The following EXD1 variants were observed in gnomAD, a reference collection of about 807,000 sequenced individuals.
EXD1 encodes piRNA biogenesis protein EXD1.
EXD1 carries 63 observed loss-of-function variants against 49.1 expected under a neutral mutation model. The ratio of observed to expected loss-of-function variants is 1.28; its 90% CI spans 1.05 to 1.58. The LOEUF is 1.58. Ranked by LOEUF, EXD1 falls within the 40% of genes most tolerant of loss-of-function variation. The pLI is 0.00. For synonymous variants in EXD1, 234 were observed against 239.2 expected, an observed-to-expected ratio of 0.98 and a Z score of 0.20; for missense variants, 748 against 666.0, an observed-to-expected ratio of 1.12 and a Z score of -1.36.
intron 7 of EXD1, among the ~76,000 whole-genome samples, chr15:41,200,716 A>T (rs1019114361): frequency 2.0e-5 from 3 of 152,090 alleles, no homozygotes; most frequent in Non-Finnish European, 4.4e-5. Context: ...GTCTTGTGGG[A>T]CTGAGCCCTC....
intron 11 of EXD1, among the ~76,000 whole-genome samples, chr15:41,188,108 T>C (rs2046444756): frequency 6.6e-6 from 1 of 152,034 alleles, no homozygotes; most frequent in Non-Finnish European, 1.5e-5. Flanking sequence ...GGCAAACTTT[T>C]CCTGTAAAGA....
intron 1 of EXD1, among the ~76,000 whole-genome samples, chr15:41,227,890 A>C (rs149021866): frequency 2.2e-3 from 338 of 152,172 alleles, no homozygotes; most frequent in Middle Eastern, 6.8e-3. Flanking sequence ...TCTCTACTAA[A>C]AACACAAAAA....
chr15:41,215,160 T>G (rs1329111208), intron 6 of EXD1, among the ~76,000 whole-genome samples: 1 of 152,202 alleles, frequency 6.6e-6, no homozygotes, highest in Non-Finnish European at 1.5e-5. Flanking sequence ...AGGACCTCCT[T>G]GTCACTCTAG....
At chr15:41,223,279 T>G (rs2140906065) in intron 2 of EXD1, among the ~76,000 whole-genome samples, 1 of 150,984 alleles carries the variant, frequency 6.6e-6, no homozygotes. Flanking sequence ...AATTAGCTGG[T>G]CTTGGTGGCA....
chr15:41,188,212 T>C (rs2046446386), intron 11 of EXD1, among the ~76,000 whole-genome samples: 1 of 151,746 alleles, frequency 6.6e-6, no homozygotes, highest in South Asian at 2.1e-4. Context: ...AATGTAAAAA[T>C]TGTTCTTAGC....
chr15:41,227,867 T>C (rs1301443642), intron 1 of EXD1, among the ~76,000 whole-genome samples: 3 of 152,004 alleles, frequency 2.0e-5, no homozygotes, highest in Admixed American at 1.3e-4. Context: ...CTGACCAACA[T>C]GGTGAAACCC....
intron 7 of EXD1, among the ~76,000 whole-genome samples, chr15:41,207,241 A>G (rs981677819): frequency 2.0e-5 from 3 of 148,500 alleles, no homozygotes; most frequent in African/African-American, 7.5e-5. Flanking sequence ...ACTCCGTCTC[A>G]AAAAAAAGTA....
chr15:41,211,012 T>G (rs925407020), intron 6 of EXD1, among the ~76,000 whole-genome samples: 1 of 152,198 alleles, frequency 6.6e-6, no homozygotes, highest in African/African-American at 2.4e-5. Context: ...TCTCTACTGA[T>G]GAGAATTCCT....
rs192017534 is a variant in EXD1 at position 41,219,843 on chromosome 15, A to G, written c.189T>C (p.His63=). ...TGGGGGTCTCACCATTCACAATCTC[A>G]TGCCCAAAAAACAACTTCACTCCTG... ...SVPGVKLFFG[H]EIVNVELLDE... Residue 63 remains histidine, a synonymous_variant, in exon 3 of 12, where the codon CAT becomes CAC. Coordinates refer to ENST00000458580, the MANE Select transcript of EXD1 (RefSeq NM_001286441.2). 6.6e-7 allele frequency: 1 copy of G among 1,507,384 alleles called. No homozygotes were observed. The highest frequency in any genetic ancestry group is 1.4e-5 in the African/African-American group (1 of 72,552). The allele number at this position is 1,507,384 out of a possible 1,614,324, so 93.4% of individuals were successfully genotyped here.
intron 1 of EXD1, among the ~76,000 whole-genome samples, chr15:41,227,463 A>G (rs2047179847): frequency 6.6e-6 from 1 of 152,136 alleles, no homozygotes; most frequent in South Asian, 2.1e-4. Flanking sequence ...TGAGGTCGGG[A>G]GTTCCAGACC....
chr15:41,212,743 G>T (rs2046940202), intron 6 of EXD1, among the ~76,000 whole-genome samples: 1 of 152,146 alleles, frequency 6.6e-6, no homozygotes, highest in East Asian at 1.9e-4. Flanking sequence ...CCATACAATA[G>T]AATATGATTT....
At chr15:41,190,977 G>A (rs992495688) in intron 10 of EXD1, among the ~76,000 whole-genome samples, 5 of 151,844 alleles carry the variant, frequency 3.3e-5, no homozygotes, top group African/African-American at 9.7e-5. Flanking sequence ...GCAGTGGCAC[G>A]ATCTCAGCTC....
At chr15:41,227,457 G>T (rs1334515665) in intron 1 of EXD1, among the ~76,000 whole-genome samples, 1 of 152,100 alleles carries the variant, frequency 6.6e-6, no homozygotes, top group Non-Finnish European at 1.5e-5. Flanking sequence ...ATAATCTGAG[G>T]TCGGGAGTTC....
chr15:41,227,118 T>A (rs978856452), intron 1 of EXD1, among the ~76,000 whole-genome samples: 25 of 152,310 alleles, frequency 1.6e-4, no homozygotes, highest in Non-Finnish European at 2.2e-4. Flanking sequence ...AAGCTGATAA[T>A]TTTAAGTAAA....
In EXD1 at chr15:41,199,757, TAC is replaced by T. The variant is rs1491310199; in HGVS notation, c.535-3722_535-3721del. ...TATATATGTCATATATTATATATGATACATATATGATATATATGTCATATATT... is the reference window on the plus strand; with the variant it reads ...TATATATGTCATATATTATATATGATATATATGATATATATGTCATATATT... On this transcript the variant is annotated intron_variant, in intron 7 of 11. Transcript: ENST00000458580. 9.2e-5 allele frequency among the ~76,000 whole-genome samples: 8 copies of T among 87,196 alleles called. 1 individual carries two copies. The highest frequency in any genetic ancestry group is 2.2e-4 in the African/African-American group (5 of 23,080). The allele number at this position is 87,196 out of a possible 152,430, so 57.2% of individuals were successfully genotyped here. A position where few individuals can be genotyped will look rare whatever the true frequency, so the allele number is the denominator to read the frequency against.
chr15:41,219,898 A>G lies in EXD1; in HGVS notation c.134T>C (p.Val45Ala). Residue 45 changes from valine to alanine, a missense_variant and splice_region_variant, in exon 3 of 12, where the codon GTG (valine) becomes GCG (alanine). Val to Ala is a moderately conservative substitution (Grantham distance 64). Transcript: ENST00000458580. ...ACTTCGACCTGTCTCCACATTCTTC[A>G]CTGTTACAGAAAACAATTCATTCAG... is the stretch of plus-strand genomic sequence containing the variant. ...DPNKIVVLKK[V>A]KNVETGRSVP... The G allele has an allele frequency of 6.5e-7, 1 of 1,533,350 alleles. No homozygotes were observed. The highest frequency in any genetic ancestry group is 8.7e-7 in the Non-Finnish European group (1 of 1,145,708). 95.0% of individuals were successfully genotyped at this position (1,533,350 alleles called of 1,614,324 possible).
intron 1 of EXD1, among the ~76,000 whole-genome samples, chr15:41,229,339 G>A (rs1010000973): frequency 1.2e-4 from 18 of 151,974 alleles, no homozygotes; most frequent in African/African-American, 4.1e-4. Context: ...TTAGCTGGGC[G>A]TGGTGGCACG....
chr15:41,190,600 C>T (rs1262280654), intron 10 of EXD1, among the ~76,000 whole-genome samples: 2 of 152,188 alleles, frequency 1.3e-5, no homozygotes, highest in Non-Finnish European at 2.9e-5. Context: ...TGAGCATACA[C>T]ATGCTTGCAC....
Position 41,184,192 on chromosome 15 carries a change from T to G in EXD1, c.1458A>C (p.Glu486Asp), listed in dbSNP as rs959702037. 3 of 1,614,232 alleles carry G rather than the reference T, an allele frequency of 1.9e-6. No individual in the cohort carries two copies. Among genetic ancestry groups the G allele is most frequent in the Non-Finnish European group, 8.5e-7 (1 of 1,180,040 alleles). Residue 486 changes from glutamate to aspartate, a missense_variant, in exon 12 of 12, where the codon GAA becomes GAC. By Grantham distance (45) the Glu-to-Asp change is conservative. Coordinates refer to ENST00000458580, the MANE Select transcript of EXD1 (RefSeq NM_001286441.2). ...ACTCATGTTTGGGTGTCATAAAGTG[T>G]TCTTTCTGAGTTATTCTCTGGTCCT... ...GSEDQRITQK[E>D]HFMTPKHEFQ...
Sources: allele counts gnomAD v4.1 joint callset (sites outside exome capture counted in the v4.1 genomes callset), GRCh38; gene constraint gnomAD v4.1.1; transcripts MANE v1.5; gene names NCBI Gene and HGNC (gene_info 2026-07-23, HGNC 2026-07-21).